The following RSRC1 variants were observed in gnomAD, a reference collection of about 807,000 sequenced individuals.
The protein encoded by RSRC1 is arginine and serine rich coiled-coil 1.
Under a neutral mutation model 49.1 loss-of-function variants are expected in RSRC1, and 39 were observed. That is an observed-to-expected ratio of 0.79 (90% confidence interval 0.61 to 1.04). The LOEUF (loss-of-function observed/expected upper bound fraction) is 1.04. Ranked by LOEUF, RSRC1 falls within the 50% of genes least tolerant of loss-of-function variation. RSRC1 has a pLI of 0.00. For synonymous variants in RSRC1, 143 were observed against 130.8 expected (o/e 1.09, Z -0.63); for missense variants, 388 against 402.4 (o/e 0.96, Z 0.31).
intron 4 of RSRC1, among the ~76,000 whole-genome samples, chr3:158,238,051 C>A (rs954213065): frequency 3.9e-5 from 6 of 152,140 alleles, no homozygotes; most frequent in African/African-American, 1.2e-4. Flanking sequence ...GCAAAAATCA[C>A]AAGCATTCCT....
At chr3:158,424,167 G>A (rs1735261843) in intron 6 of RSRC1, among the ~76,000 whole-genome samples, 1 of 152,132 alleles carries the variant, frequency 6.6e-6, no homozygotes, top group African/African-American at 2.4e-5. Flanking sequence ...AGTTTTCAAA[G>A]GGAATGCTTC....
chr3:158,446,253 T>G (rs1736706823), intron 6 of RSRC1, among the ~76,000 whole-genome samples: 1 of 149,836 alleles, frequency 6.7e-6, no homozygotes, highest in Non-Finnish European at 1.5e-5. Context: ...TTTAATTTGA[T>G]TCTGCTTTTA....
intron 3 of RSRC1, among the ~76,000 whole-genome samples, chr3:158,145,005 G>C (rs13060716): frequency 9.2e-5 from 14 of 151,782 alleles, no homozygotes; most frequent in African/African-American, 3.1e-4. Context: ...AAATTTGTTT[G>C]AGTTCTTTGT....
In RSRC1 at chr3:158,434,874, G is replaced by C. The variant is rs915562468; in HGVS notation, c.584-26061G>C. ...ACATGGGGGTAAAGTTTTTAATTATGCTCTTCCAGTTGTAAATACAAGATT... is the reference window on the plus strand; with the variant it reads ...ACATGGGGGTAAAGTTTTTAATTATCCTCTTCCAGTTGTAAATACAAGATT... On this transcript the variant is annotated intron_variant, in intron 6 of 9. Coordinates refer to ENST00000611884, the MANE Select transcript of RSRC1 (RefSeq NM_001271838.2). Among the ~76,000 whole-genome samples, 3 of 151,898 alleles carry C rather than the reference G, an allele frequency of 2.0e-5. No individual in the cohort carries two copies. In the South Asian group the frequency reaches 6.2e-4, roughly 32 times the overall value.
chr3:158,186,485 T>G (rs1426217828), intron 3 of RSRC1, among the ~76,000 whole-genome samples: 1 of 151,998 alleles, frequency 6.6e-6, no homozygotes, highest in Non-Finnish European at 1.5e-5. Context: ...ACTGATGGAA[T>G]AAAGACATTT....
chr3:158,288,838 C>A (rs1245888792), intron 4 of RSRC1, among the ~76,000 whole-genome samples: 1 of 44,636 alleles, frequency 2.2e-5, no homozygotes, highest in Non-Finnish European at 4.0e-5. Flanking sequence ...GTTCCCCGCC[C>A]CCCCCCCCCC....
intron 5 of RSRC1, among the ~76,000 whole-genome samples, chr3:158,342,476 G>A (rs1730307959): frequency 6.6e-6 from 1 of 152,110 alleles, no homozygotes; most frequent in Non-Finnish European, 1.5e-5. Flanking sequence ...CATGTAAGAA[G>A]TGCCTTTCAC....
At position 158,354,853 on chromosome 3, in the gene RSRC1, T is replaced by A. The variant is rs1356411662; in HGVS notation, c.532-4T>A. ...GGTTGAATTTTTTTTTTTTTCTTTTTTAGCCACCAGCTGAACAGGCCAAAG... is the reference window on the plus strand; with the variant it reads ...GGTTGAATTTTTTTTTTTTTCTTTTATAGCCACCAGCTGAACAGGCCAAAG... On this transcript the variant is annotated splice_region_variant and splice_polypyrimidine_tract_variant and intron_variant, in intron 5 of 9. Coordinates refer to ENST00000611884, the MANE Select transcript of RSRC1 (RefSeq NM_001271838.2). 1 of 1,550,852 alleles carries A rather than the reference T, an allele frequency of 6.4e-7. No homozygotes were observed. The highest frequency in any genetic ancestry group is 8.7e-7 in the Non-Finnish European group (1 of 1,149,710).
intron 7 of RSRC1, among the ~76,000 whole-genome samples, chr3:158,515,294 G>T (rs1295515071): frequency 6.7e-6 from 1 of 149,588 alleles, no homozygotes; most frequent in African/African-American, 2.5e-5. Flanking sequence ...GGCAGGCCTG[G>T]TGGTGACAAA....
intron 4 of RSRC1, among the ~76,000 whole-genome samples, chr3:158,252,318 C>G (rs538857841): frequency 7.1e-6 from 1 of 141,646 alleles, no homozygotes; most frequent in Admixed American, 7.1e-5. Flanking sequence ...CCCGCCACCA[C>G]GCCCGGCTAA....
intron 7 of RSRC1, among the ~76,000 whole-genome samples, chr3:158,498,769 G>A (rs1276394469): frequency 6.6e-6 from 1 of 152,142 alleles, no homozygotes; most frequent in Non-Finnish European, 1.5e-5. Context: ...TGAGGATTCA[G>A]TTTCATTCTC....
chr3:158,364,816 A>AAATAATAAT (rs59055843), intron 6 of RSRC1, among the ~76,000 whole-genome samples: 20,080 of 144,060 alleles, frequency 0.14, 1,678 homozygotes, highest in South Asian at 0.21. Context: ...AGAATGGGAA[A>AAATAATAAT]AATAATAATA....
intron 7 of RSRC1, among the ~76,000 whole-genome samples, chr3:158,534,777 A>G (rs12492884): frequency 0.22 from 33,581 of 151,386 alleles, 3,958 homozygotes; most frequent in South Asian, 0.29. Context: ...TATAAAATAG[A>G]ATGCAGAACT....
chr3:158,170,795 TC>T (rs1447446240), intron 3 of RSRC1, among the ~76,000 whole-genome samples: 1 of 152,122 alleles, frequency 6.6e-6, no homozygotes, highest in Non-Finnish European at 1.5e-5. Context: ...TTAAATTTTT[TC>T]TTCATTTTTC....
chr3:158,192,274 T>C (rs763842982), intron 3 of RSRC1, among the ~76,000 whole-genome samples: 6 of 152,122 alleles, frequency 3.9e-5, no homozygotes, highest in Non-Finnish European at 8.8e-5. Context: ...ACTTGACTTA[T>C]AGATCTGTTA....
rs76913845 is a variant in RSRC1, at chr3:158,111,493, A to G, written c.-3+1270A>G. 1.3e-4 allele frequency among the ~76,000 whole-genome samples: 20 copies of G among 152,304 alleles called. No individual in the cohort carries two copies. In the East Asian group the frequency reaches 3.9e-3, roughly 29 times the overall value. ...TGCTTTCATGTTCAAACCATTGGGGATAAATTCCTATGATTGATCATGCTT... is the reference window on the plus strand; with the variant it reads ...TGCTTTCATGTTCAAACCATTGGGGGTAAATTCCTATGATTGATCATGCTT... On this transcript the variant is annotated intron_variant, in intron 1 of 9. Transcript: ENST00000611884.
chr3:158,143,402 C>G (rs1036063883), intron 3 of RSRC1, among the ~76,000 whole-genome samples: 1 of 151,992 alleles, frequency 6.6e-6, no homozygotes, highest in Non-Finnish European at 1.5e-5. Context: ...TTTGTTTTCC[C>G]CTAGGAGATA....
chr3:158,116,304 G>T (rs1409913807), intron 1 of RSRC1, among the ~76,000 whole-genome samples: 1 of 152,060 alleles, frequency 6.6e-6, no homozygotes, highest in African/African-American at 2.4e-5. Flanking sequence ...ATTATAGTGA[G>T]TTTTTAAAAT....
intron 7 of RSRC1, among the ~76,000 whole-genome samples, chr3:158,507,971 G>A (rs1739944231): frequency 6.6e-6 from 1 of 152,092 alleles, no homozygotes; most frequent in African/African-American, 2.4e-5. Context: ...TACTCAGGAG[G>A]CTCAGATGGG....
Sources: allele counts gnomAD v4.1 joint callset (sites outside exome capture counted in the v4.1 genomes callset), GRCh38; gene constraint gnomAD v4.1.1; transcripts MANE v1.5; gene names NCBI Gene and HGNC (gene_info 2026-07-23, HGNC 2026-07-21).